The following FRMD4A variants were observed in gnomAD, a reference collection of about 807,000 sequenced individuals.
FRMD4A encodes FERM domain-containing protein 4A.
Under a neutral mutation model 129.1 loss-of-function variants are expected in FRMD4A, and 29 were observed. The observed-to-expected ratio is 0.22, with a 90% CI of 0.17 to 0.31. The LOEUF is 0.31. FRMD4A is among the 10% of genes least tolerant of loss of function. FRMD4A has a pLI of 1.00. For synonymous variants in FRMD4A, 634 were observed against 571.6 expected (o/e 1.11, Z -1.56); for missense variants, 1,272 against 1,375.8 (o/e 0.92, Z 1.19).
chr10:14,029,138 T>C (rs867978380), intron 2 of FRMD4A, among the ~76,000 whole-genome samples: 3 of 152,218 alleles, frequency 2.0e-5, no homozygotes, highest in Admixed American at 6.5e-5. Context: ...TTCAGAACCG[T>C]TAAATTTCTT....
chr10:14,298,204 C>T (rs949172302), intron 2 of FRMD4A, among the ~76,000 whole-genome samples: 6 of 152,240 alleles, frequency 3.9e-5, no homozygotes, highest in African/African-American at 1.4e-4. Flanking sequence ...TTGCCATCCT[C>T]TGCACCATAT....
At chr10:14,177,910 A>G (rs968483290) in intron 2 of FRMD4A, among the ~76,000 whole-genome samples, 4 of 152,200 alleles carry the variant, frequency 2.6e-5, no homozygotes, top group Non-Finnish European at 5.9e-5. Flanking sequence ...TCTGGAATCA[A>G]TAGGACTTGG....
Position 13,720,983 on chromosome 10 carries a change from C to G in FRMD4A, c.760-13870G>C, listed in dbSNP as rs2089357317. Among the ~76,000 whole-genome samples, 4 of 152,218 alleles carry G rather than the reference C, an allele frequency of 2.6e-5. No individual in the cohort carries two copies. The South Asian group carries it at 8.3e-4, about 32-fold the overall frequency. On this transcript the variant is annotated intron_variant, in intron 12 of 24. Transcript: ENST00000357447. ...GAAAGAAGCCAGACACGAATGGCCA[C>G]ATACCATATGGTTCCATTTCTAGGA...
At chr10:13,889,737 C>T (rs2094672687) in intron 2 of FRMD4A, among the ~76,000 whole-genome samples, 1 of 152,130 alleles carries the variant, frequency 6.6e-6, no homozygotes. Flanking sequence ...TAAAACAATT[C>T]CCCTTTAATG....
chr10:13,688,978 C>G (rs2085376730), intron 15 of FRMD4A, among the ~76,000 whole-genome samples: 1 of 152,070 alleles, frequency 6.6e-6, no homozygotes, highest in Non-Finnish European at 1.5e-5. Flanking sequence ...GCTGGGATTA[C>G]AGGCCTGAGC....
chr10:13,809,144 G>A (rs1212893839), intron 4 of FRMD4A, among the ~76,000 whole-genome samples: 1 of 152,168 alleles, frequency 6.6e-6, no homozygotes, highest in Non-Finnish European at 1.5e-5. Flanking sequence ...AACCCTCCTG[G>A]GAGAAGAGTG....
At chr10:14,061,010 C>G (rs1179567853) in intron 2 of FRMD4A, among the ~76,000 whole-genome samples, 1 of 137,702 alleles carries the variant, frequency 7.3e-6, no homozygotes, top group African/African-American at 2.5e-5. Context: ...AGAGCACTTA[C>G]AAACCAATAA....
chr10:13,965,414 G>C (rs1469524358), intron 2 of FRMD4A, among the ~76,000 whole-genome samples: 2 of 152,212 alleles, frequency 1.3e-5, no homozygotes, highest in African/African-American at 4.8e-5. Context: ...ATAATAAGTA[G>C]AGAGTTCCAT....
intron 5 of FRMD4A, among the ~76,000 whole-genome samples, chr10:13,786,429 AG>A (rs2092864873): frequency 6.6e-6 from 1 of 152,170 alleles, no homozygotes; most frequent in Admixed American, 6.5e-5. Flanking sequence ...ACATGGTGAA[AG>A]CCTGTCTCTA....
chr10:14,149,085 A>G (rs1166743465), intron 2 of FRMD4A, among the ~76,000 whole-genome samples: 1 of 152,190 alleles, frequency 6.6e-6, no homozygotes, highest in Non-Finnish European at 1.5e-5. Flanking sequence ...ATCATGAATG[A>G]GCCAGATCCA....
intron 2 of FRMD4A, among the ~76,000 whole-genome samples, chr10:14,150,117 A>G (rs1840268783): frequency 6.6e-6 from 1 of 152,160 alleles, no homozygotes; most frequent in Non-Finnish European, 1.5e-5. Context: ...TGAGAACAGA[A>G]AGGGGAAATC....
intron 2 of FRMD4A, among the ~76,000 whole-genome samples, chr10:14,214,814 GA>G (rs1210428886): frequency 6.6e-6 from 1 of 152,160 alleles, no homozygotes; most frequent in Non-Finnish European, 1.5e-5. Context: ...AGCCAACTGT[GA>G]TTTTTAAAAA....
chr10:14,284,159 C>A (rs72778686), intron 2 of FRMD4A, among the ~76,000 whole-genome samples: 2,230 of 152,236 alleles, frequency 0.015, 50 homozygotes, highest in South Asian at 0.063. Context: ...TCCGCAGAGG[C>A]TGGTAAATAG....
chr10:13,659,521 G>C, intron 20 of FRMD4A, 31 bp from the exon 21 acceptor site: 1 of 1,597,844 alleles, frequency 6.3e-7, no homozygotes, highest in Non-Finnish European at 8.5e-7. Flanking sequence ...CGTGGTCACC[G>C]CCAGACAGAC....
intron 2 of FRMD4A, among the ~76,000 whole-genome samples, chr10:13,884,194 A>ACTCACACACACACT (rs1564971529): frequency 1.9e-4 from 15 of 79,862 alleles, no homozygotes; most frequent in Admixed American, 1.5e-3. Flanking sequence ...ACACACACAC[A>ACTCACACACACACT]CTCACACACA....
At chr10:14,163,047 C>A (rs1840989132) in intron 2 of FRMD4A, among the ~76,000 whole-genome samples, 1 of 152,014 alleles carries the variant, frequency 6.6e-6, no homozygotes, top group African/African-American at 2.4e-5. Context: ...TCTAGAGAGA[C>A]CAAAGAATAA....
chr10:13,846,288 G>A lies in FRMD4A; in HGVS notation c.111+12559C>T, dbSNP rs147248235. 3.9e-4 allele frequency among the ~76,000 whole-genome samples: 59 copies of A among 152,232 alleles called. 1 individual carries two copies. Among genetic ancestry groups the A allele is most frequent in the African/African-American group, 1.2e-3 (48 of 41,536 alleles). On this transcript the variant is annotated intron_variant, in intron 3 of 24. Transcript: ENST00000357447. ...CATTACTTTTAATGCAATTACTTTC[G>A]CACCAACTAATACATTGAACTTTTC... is the stretch of plus-strand genomic sequence containing the variant.
intron 2 of FRMD4A, among the ~76,000 whole-genome samples, chr10:14,120,699 A>G (rs1478140278): frequency 6.6e-6 from 1 of 152,074 alleles, no homozygotes; most frequent in Non-Finnish European, 1.5e-5. Context: ...GATCACTTCT[A>G]GTTTTTTGGG....
intron 2 of FRMD4A, among the ~76,000 whole-genome samples, chr10:14,227,571 C>T (rs376409482): frequency 1.3e-5 from 2 of 152,036 alleles, no homozygotes. Flanking sequence ...GTGTTCTAGC[C>T]TCCCCATTCC....
Sources: allele counts gnomAD v4.1 joint callset (sites outside exome capture counted in the v4.1 genomes callset), GRCh38; gene constraint gnomAD v4.1.1; transcripts MANE v1.5; gene names NCBI Gene and HGNC (gene_info 2026-07-23, HGNC 2026-07-21).